Variants in KLF12 observed in about 807,000 individuals in gnomAD.
The protein encoded by KLF12 is Krueppel-like factor 12.
KLF12 carries 9 observed loss-of-function variants against 37.8 expected under a neutral mutation model. The ratio of observed to expected loss-of-function variants is 0.24; its 90% CI spans 0.14 to 0.42. KLF12 has a LOEUF of 0.42. KLF12 is among the 10% of genes least tolerant of loss of function. The probability of loss-of-function intolerance (pLI) is 1.00; values close to 1 mark genes in which losing one functional copy is unlikely to be tolerated. For missense variants in KLF12, 411 were observed against 516.0 expected, an observed-to-expected ratio of 0.80 and a Z score of 1.97; for synonymous variants, 208 against 202.1, an observed-to-expected ratio of 1.03 and a Z score of -0.25.
chr13:74,275,655 C>T, the KLF12 span, among the ~76,000 whole-genome samples: 4 of 150,728 alleles, frequency 2.7e-5, no homozygotes, highest in African/African-American at 9.7e-5. Context: ...ACTTTTTTAT[C>T]AAAACTTTCC....
chr13:73,916,123 A>G (rs1888815774), intron 3 of KLF12, among the ~76,000 whole-genome samples: 1 of 152,016 alleles, frequency 6.6e-6, no homozygotes, highest in African/African-American at 2.4e-5. Context: ...GGATTGGAAT[A>G]ATTTGGCTTT....
At chr13:73,808,931 C>T (rs1311337674) in intron 5 of KLF12, among the ~76,000 whole-genome samples, 1 of 152,168 alleles carries the variant, frequency 6.6e-6, no homozygotes, top group Non-Finnish European at 1.5e-5. Flanking sequence ...TCCTTCATAT[C>T]CCTTTCCTTT....
the KLF12 span, among the ~76,000 whole-genome samples, chr13:74,280,581 A>G: frequency 6.6e-6 from 1 of 152,218 alleles, no homozygotes; most frequent in Non-Finnish European, 1.5e-5. Context: ...GGGGAAACCC[A>G]TCTTGGGATC....
chr13:74,171,001 G>A, the KLF12 span, among the ~76,000 whole-genome samples: 3 of 152,266 alleles, frequency 2.0e-5, no homozygotes, highest in East Asian at 1.9e-4. Flanking sequence ...CTGACCTCAG[G>A]TGATCTTCCT....
chr13:74,241,552 G>A, the KLF12 span, among the ~76,000 whole-genome samples: 5 of 151,990 alleles, frequency 3.3e-5, no homozygotes, highest in Admixed American at 1.3e-4. Context: ...CCTCGCTGCC[G>A]CTGCTGCCTT....
chr13:74,172,811 C>G, the KLF12 span, among the ~76,000 whole-genome samples: 2 of 152,046 alleles, frequency 1.3e-5, no homozygotes, highest in African/African-American at 2.4e-5. Flanking sequence ...TTAATTCTGC[C>G]CAAATGGAGG....
At chr13:73,861,004 T>C (rs1399079425) in intron 3 of KLF12, among the ~76,000 whole-genome samples, 1 of 152,230 alleles carries the variant, frequency 6.6e-6, no homozygotes, top group Non-Finnish European at 1.5e-5. Context: ...TTTGTATTTT[T>C]GCTAATTTGA....
chr13:73,760,230 G>A (rs1216686837), intron 6 of KLF12, among the ~76,000 whole-genome samples: 1 of 152,138 alleles, frequency 6.6e-6, no homozygotes, highest in Non-Finnish European at 1.5e-5. Flanking sequence ...AGGCACATTA[G>A]TAATAAATAA....
At chr13:73,915,411 C>G (rs1397056986) in intron 3 of KLF12, among the ~76,000 whole-genome samples, 1 of 152,124 alleles carries the variant, frequency 6.6e-6, no homozygotes, top group African/African-American at 2.4e-5. Flanking sequence ...GAAGTGTTGC[C>G]TTTCCAAGAT....
chr13:74,234,624 G>C, the KLF12 span, among the ~76,000 whole-genome samples: 1 of 152,020 alleles, frequency 6.6e-6, no homozygotes, highest in Non-Finnish European at 1.5e-5. Flanking sequence ...TGGAGCAAAG[G>C]AAAAGTCATT....
upstream of KLF12, among the ~76,000 whole-genome samples, chr13:74,135,339 G>A (rs563446413): frequency 2.0e-5 from 3 of 151,982 alleles, no homozygotes; most frequent in African/African-American, 7.2e-5. Context: ...GGGGAAGGGA[G>A]TCCAGCTCCA....
intron 1 of KLF12, among the ~76,000 whole-genome samples, chr13:74,005,138 A>T (rs1566500895): frequency 6.6e-6 from 1 of 152,184 alleles, no homozygotes; most frequent in African/African-American, 2.4e-5. Flanking sequence ...TATTTCCCTC[A>T]ACTCTTAGAT....
intron 6 of KLF12, among the ~76,000 whole-genome samples, chr13:73,745,037 G>A (rs1420438641): frequency 6.6e-6 from 1 of 152,072 alleles, no homozygotes; most frequent in Non-Finnish European, 1.5e-5. Flanking sequence ...TCACTTTTAT[G>A]AGTACCTAAA....
At chr13:73,757,577 G>A (rs1357490853) in intron 6 of KLF12, among the ~76,000 whole-genome samples, 2 of 152,190 alleles carry the variant, frequency 1.3e-5, no homozygotes, top group African/African-American at 4.8e-5. Flanking sequence ...AGAAATCTCT[G>A]TAGCTAGAAA....
At chr13:74,057,434 T>C (rs545623961) in intron 1 of KLF12, among the ~76,000 whole-genome samples, 2 of 152,188 alleles carry the variant, frequency 1.3e-5, no homozygotes, top group Non-Finnish European at 2.9e-5. Context: ...GGTTACAGCA[T>C]GTACTACACT....
chr13:73,916,331 C>A (rs1289239481), intron 3 of KLF12, among the ~76,000 whole-genome samples: 1 of 151,556 alleles, frequency 6.6e-6, no homozygotes, highest in Non-Finnish European at 1.5e-5. Flanking sequence ...ATAGAAATAA[C>A]AATTAATTAA....
rs533168450 is a variant in KLF12, at chr13:73,971,720, T to C, written c.33+23270A>G. Reference sequence around the variant, plus strand: ...GAAAATACTACATTCACAATGGTGATATGAACTATGAATAAACAGAGCTAA... The same window carrying C: ...GAAAATACTACATTCACAATGGTGACATGAACTATGAATAAACAGAGCTAA... On this transcript the variant is annotated intron_variant, in intron 2 of 7. Coordinates refer to ENST00000377669, the MANE Select transcript of KLF12 (RefSeq NM_007249.5). Among the ~76,000 whole-genome samples, 10 of 152,270 alleles carry C rather than the reference T, an allele frequency of 6.6e-5. No homozygotes were observed. The South Asian group carries it at 1.4e-3, about 22-fold the overall frequency.
At chr13:73,700,607 C>A (rs938024389) in intron 7 of KLF12, among the ~76,000 whole-genome samples, 5 of 151,864 alleles carry the variant, frequency 3.3e-5, no homozygotes, top group Admixed American at 6.6e-5. Flanking sequence ...ACAATATCTT[C>A]AATTCTCTCC....
At chr13:74,219,186 C>T in the KLF12 span, among the ~76,000 whole-genome samples, 1 of 152,144 alleles carries the variant, frequency 6.6e-6, no homozygotes, top group Non-Finnish European at 1.5e-5. Context: ...GAACTCCCGA[C>T]CTTAAGTGAT....
Sources: allele counts gnomAD v4.1 joint callset (sites outside exome capture counted in the v4.1 genomes callset), GRCh38; gene constraint gnomAD v4.1.1; transcripts MANE v1.5; gene names NCBI Gene and HGNC (gene_info 2026-07-23, HGNC 2026-07-21).